AKAP3: variants seen among roughly 807,000 people sequenced by gnomAD.
AKAP3 encodes the protein A-kinase anchoring protein 3.
A neutral mutation model predicts 57.2 loss-of-function variants in AKAP3; 27 were observed. The observed-to-expected ratio is 0.47, with a 90% CI of 0.35 to 0.65. The LOEUF is 0.65. AKAP3 is among the 30% of genes least tolerant of loss of function. The probability of loss-of-function intolerance (pLI) is 0.01; values close to 1 mark genes in which losing one functional copy is unlikely to be tolerated. For synonymous variants in AKAP3, 334 were observed against 392.3 expected (o/e 0.85, Z 1.76); for missense variants, 959 against 1,040.0 (o/e 0.92, Z 1.07).
At chr12:4,624,840 G>A (rs565994097) in intron 5 of AKAP3, among the ~76,000 whole-genome samples, 3 of 149,954 alleles carry the variant, frequency 2.0e-5, no homozygotes, top group Non-Finnish European at 4.4e-5. Context: ...AAAAGTGGGG[G>A]ACTGCAAGTC....
In AKAP3 at chr12:4,625,742, A is replaced by G. The variant is rs1341841926; in HGVS notation, c.2406+754T>C. 6.6e-6 allele frequency among the ~76,000 whole-genome samples: 1 copy of G among 151,522 alleles called. No homozygotes were observed. On this transcript the variant is annotated intron_variant, in intron 5 of 5. Coordinates refer to ENST00000228850, the MANE Select transcript of AKAP3 (RefSeq NM_001278309.2). This position sits in a 1 kb window ranked among gnomAD's most constrained non-coding sequence, Gnocchi z 5.4. ...GCAAGCGAGCGAGAAGGCAGAGAGGAGAGAGAAGAGAAGGTTGTAGGGATG... is the reference window on the plus strand; with the variant it reads ...GCAAGCGAGCGAGAAGGCAGAGAGGGGAGAGAAGAGAAGGTTGTAGGGATG...
intron 1 of AKAP3, chr12:4,645,917 G>A (rs2137453751): frequency 6.6e-6 from 1 of 152,284 alleles, no homozygotes; most frequent in African/African-American, 2.4e-5. Context: ...CGGCAGAGGA[G>A]AATGAGAAAT....
chr12:4,617,103 T>C (rs945571950), intron 5 of AKAP3, among the ~76,000 whole-genome samples: 1 of 152,134 alleles, frequency 6.6e-6, no homozygotes, highest in Admixed American at 6.5e-5. Context: ...GAAAACCATT[T>C]ATAGGGGAAC....
At position 4,625,783 on chromosome 12, in the gene AKAP3, G is replaced by A. The variant is rs1176394210; in HGVS notation, c.2406+713C>T. 1.3e-5 allele frequency among the ~76,000 whole-genome samples: 2 copies of A among 151,932 alleles called. No individual in the cohort carries two copies. Among genetic ancestry groups the A allele is most frequent in the African/African-American group, 2.4e-5 (1 of 41,364 alleles). ...TGTAGGGATGGTCTTTTTAATTCCC[G>A]CACTTCAGTGTGAAGCATCTGGGGT... On this transcript the variant is annotated intron_variant, in intron 5 of 5. Transcript: ENST00000228850. The surrounding 1 kb of genome is among the most constrained non-coding windows in gnomAD (Gnocchi z 5.4).
chr12:4,632,895 C>T (rs1945516465), intron 4 of AKAP3, among the ~76,000 whole-genome samples: 1 of 152,168 alleles, frequency 6.6e-6, no homozygotes, highest in Admixed American at 6.5e-5. Context: ...CTGCCTCGGC[C>T]TCCCAAAGTG....
In AKAP3 at chr12:4,625,847, C is replaced by T. The variant is rs186139118; in HGVS notation, c.2406+649G>A. On this transcript the variant is annotated intron_variant, in intron 5 of 5. Coordinates refer to ENST00000228850, the MANE Select transcript of AKAP3 (RefSeq NM_001278309.2). The surrounding 1 kb of genome is among the most constrained non-coding windows in gnomAD (Gnocchi z 5.4). ...CTCCAGACTCAAACCCTCCCTTTGGCGCGCAGTTCTGATGCTTACTGGGCA... is the reference window on the plus strand; with the variant it reads ...CTCCAGACTCAAACCCTCCCTTTGGTGCGCAGTTCTGATGCTTACTGGGCA... Among the ~76,000 whole-genome samples, 14 of 152,220 alleles carry T rather than the reference C, an allele frequency of 9.2e-5. No individual in the cohort carries two copies. Among genetic ancestry groups the T allele is most frequent in the East Asian group, 3.9e-4 (2 of 5,166 alleles).
rs1945417136 is a variant in AKAP3 at position 4,626,715 on chromosome 12, G to C, written c.2187C>G (p.Val729=). ...GGATAGCTTGATAGGCATTCTGCAG[G>C]ACAGCTTCTGCTGACCCTGTGCCCT... is the stretch of plus-strand genomic sequence containing the variant. The part of the protein sequence containing the change: ...PAKGTGSAEA[V]LQNAYQAIHN... The change falls in exon 5 of 6, where the codon GTC becomes GTG. Residue 729 remains valine, a synonymous_variant. Coordinates refer to ENST00000228850, the MANE Select transcript of AKAP3 (RefSeq NM_001278309.2). 1 of 1,613,878 alleles carries C rather than the reference G, an allele frequency of 6.2e-7. No homozygotes were observed. Among genetic ancestry groups the C allele is most frequent in the Non-Finnish European group, 8.5e-7 (1 of 1,180,026 alleles).
chr12:4,639,858 C>T (rs1039469046), intron 3 of AKAP3, among the ~76,000 whole-genome samples: 2 of 146,580 alleles, frequency 1.4e-5, no homozygotes, highest in African/African-American at 5.0e-5. Context: ...GCTCTTTCGC[C>T]CAGGCCGAAC....
chr12:4,621,585 A>C (rs4766261), intron 5 of AKAP3, among the ~76,000 whole-genome samples: 38,767 of 152,216 alleles, frequency 0.25, 5,547 homozygotes, highest in East Asian at 0.4. Context: ...CATGCTGTAT[A>C]TAAGTGTGTA....
chr12:4,619,151 A>T (rs888036545), intron 5 of AKAP3, among the ~76,000 whole-genome samples: 1 of 152,232 alleles, frequency 6.6e-6, no homozygotes, highest in Admixed American at 6.5e-5. Context: ...ATTACAACAA[A>T]TGAAAGAATA....
At chr12:4,616,905 T>C (rs1945291942) in intron 5 of AKAP3, among the ~76,000 whole-genome samples, 1 of 152,082 alleles carries the variant, frequency 6.6e-6, no homozygotes, top group Non-Finnish European at 1.5e-5. Context: ...GCAAAACATA[T>C]CTGAAGAAAT....
Position 4,631,337 on chromosome 12 carries a change from G to C in AKAP3, c.97-2532C>G, listed in dbSNP as rs966595683. The C allele has an allele frequency of 1.0e-5, 7 of 701,684 alleles. No individual in the cohort carries two copies. In the African/African-American group the frequency reaches 1.2e-4, roughly 12 times the overall value. 43.5% of individuals were successfully genotyped at this position (701,684 alleles called of 1,614,324 possible). On this transcript the variant is annotated intron_variant, in intron 4 of 5. Transcript: ENST00000228850. ...CCATCTTAAGCTCACCAACTAAGAC[G>C]TTTGTGCTCACATGGAAGGAGAAGT...
chr12:4,627,649 C>T lies in AKAP3; in HGVS notation c.1253G>A (p.Arg418Gln), dbSNP rs191710575. 8.3e-5 allele frequency: 134 copies of T among 1,614,004 alleles called. No individual in the cohort carries two copies. The East Asian group carries it at 2.2e-3, about 26-fold the overall frequency. The change falls in exon 5 of 6, where the codon CGA becomes CAA. Residue 418 changes from arginine to glutamine, a missense_variant. Coordinates refer to ENST00000228850, the MANE Select transcript of AKAP3 (RefSeq NM_001278309.2). ...AGATTTCATGGCAAAGTTCACATTT[C>T]GGTTTTTAGGATCACCCATTCCTTT... Reference protein sequence around the residue: ...SMKGMGDPKNRNVNFAMKSET... With the variant: ...SMKGMGDPKNQNVNFAMKSET...
chr12:4,643,525 A>T (rs1426064827), intron 2 of AKAP3, among the ~76,000 whole-genome samples: 1 of 152,194 alleles, frequency 6.6e-6, no homozygotes, highest in East Asian at 1.9e-4. Context: ...GTTTTCTAAT[A>T]CTCTCAGCTT....
In AKAP3 at chr12:4,635,155, T is replaced by C. The variant is rs1240719175; in HGVS notation, c.96+2946A>G. ...TCATTTTTCCCTATTGCTGAAACAT[T>C]AGTAAGAGGGACCCATGCATGTTAT... is the stretch of plus-strand genomic sequence containing the variant. On this transcript the variant is annotated intron_variant, in intron 4 of 5. Transcript: ENST00000228850. Among the ~76,000 whole-genome samples, 7 of 152,172 alleles carry C rather than the reference T, an allele frequency of 4.6e-5. No individual in the cohort carries two copies. In the East Asian group the frequency reaches 1.3e-3, roughly 29 times the overall value.
chr12:4,646,573 G>C (rs1297844050), intron 1 of AKAP3, among the ~76,000 whole-genome samples: 3 of 151,992 alleles, frequency 2.0e-5, no homozygotes, highest in African/African-American at 7.2e-5. Flanking sequence ...TCGGGAGACT[G>C]AGGCAGGAGA....
In AKAP3 at chr12:4,625,726, C is replaced by T. The variant is rs953921908; in HGVS notation, c.2406+770G>A. 5.4e-5 allele frequency among the ~76,000 whole-genome samples: 8 copies of T among 148,680 alleles called. No homozygotes were observed. Among genetic ancestry groups the T allele is most frequent in the Non-Finnish European group, 1.0e-4 (7 of 67,488 alleles). On this transcript the variant is annotated intron_variant, in intron 5 of 5. Transcript: ENST00000228850. The surrounding 1 kb of genome is among the most constrained non-coding windows in gnomAD (Gnocchi z 5.4). ...GAGAGAGAGAGAGAGAGCAAGCGAG[C>T]GAGAAGGCAGAGAGGAGAGAGAAGA...
chr12:4,622,326 C>A (rs1945356741), intron 5 of AKAP3, among the ~76,000 whole-genome samples: 1 of 152,100 alleles, frequency 6.6e-6, no homozygotes, highest in Admixed American at 6.5e-5. Flanking sequence ...ACAGCCAAGG[C>A]ACTCCTAGGT....
At chr12:4,636,170 T>C in intron 4 of AKAP3, 1 of 617,048 alleles carries the variant, frequency 1.6e-6, no homozygotes, top group Non-Finnish European at 2.9e-6. Flanking sequence ...CATGTTCACA[T>C]TTGAAATAAG....
Sources: gnomAD v4.1 joint callset for allele counts (sites outside exome capture counted in the v4.1 genomes callset) on GRCh38, gnomAD v4.1.1 for gene constraint, Gnocchi (gnomAD v3.1) non-coding constraint, MANE v1.5 for transcripts, NCBI Gene and HGNC (gene_info 2026-07-23, HGNC 2026-07-21) for gene names.